Variants in ANKRD62 observed in about 807,000 individuals in gnomAD.
ANKRD62 encodes the protein ankyrin repeat domain 62.
ANKRD62 carries 61 observed loss-of-function variants against 98.8 expected under a neutral mutation model. That is an observed-to-expected ratio of 0.62 (90% CI 0.50 to 0.76). The LOEUF (loss-of-function observed/expected upper bound fraction) is 0.76, where lower values mean the gene tolerates loss of function less well. ANKRD62 is among the 30% of genes least tolerant of loss of function. ANKRD62 has a pLI of 0.00. For missense variants in ANKRD62, 933 were observed against 1,082.9 expected, an observed-to-expected ratio of 0.86 and a Z score of 1.94; for synonymous variants, 341 against 367.9, an observed-to-expected ratio of 0.93 and a Z score of 0.84.
At position 12,094,141 on chromosome 18, in the gene ANKRD62, A is replaced by G; in HGVS notation, c.124A>G (p.Ile42Val). The part of the protein sequence containing the change: ...YRVRQKDLGM[I>V]HKAAIAGDVN... ...AGTCCGGCAGAAGGATCTGGGCATG[A>G]TCCACAAAGCTGCCATCGCAGGTGA... Residue 42 changes from isoleucine (I) to valine (V), a missense_variant, in exon 1 of 14, where the codon ATC becomes GTC. Coordinates refer to ENST00000587848, the MANE Select transcript of ANKRD62 (RefSeq NM_001277333.2). The G allele has an allele frequency of 6.5e-7, 1 of 1,533,408 alleles. No individual in the cohort carries two copies. The highest frequency in any genetic ancestry group is 8.7e-7 in the Non-Finnish European group (1 of 1,146,442). 95.0% of individuals were successfully genotyped at this position (1,533,408 alleles called of 1,614,324 possible).
At chr18:12,131,648 C>G (rs1910006685), downstream of ANKRD62, among the ~76,000 whole-genome samples, 1 of 151,970 alleles carries the variant, frequency 6.6e-6, no homozygotes, top group Non-Finnish European at 1.5e-5. Context: ...CCAAGAGATG[C>G]TAGACTCATG....
intron 10 of ANKRD62, among the ~76,000 whole-genome samples, chr18:12,116,123 A>T (rs761342809): frequency 4.6e-5 from 7 of 152,204 alleles, no homozygotes; most frequent in Non-Finnish European, 8.8e-5. Context: ...AAGTGCACAT[A>T]TGTAAAGTGT....
At chr18:12,154,153 C>T in the ANKRD62 span, among the ~76,000 whole-genome samples, 2 of 152,034 alleles carry the variant, frequency 1.3e-5, no homozygotes, top group Non-Finnish European at 2.9e-5. Context: ...AAACTATCAA[C>T]AGAACAAACA....
intron 5 of ANKRD62, 87 bp downstream of exon 5, chr18:12,097,864 A>G: frequency 2.7e-6 from 4 of 1,460,838 alleles, no homozygotes; most frequent in Non-Finnish European, 2.7e-6. Flanking sequence ...GAGATTTCAT[A>G]GTTTGGTTCA....
At chr18:12,175,013 C>G in the ANKRD62 span, among the ~76,000 whole-genome samples, 1 of 152,256 alleles carries the variant, frequency 6.6e-6, no homozygotes, top group Non-Finnish European at 1.5e-5. Context: ...GGGGTGCACA[C>G]TCATCAACTG....
At position 12,127,954 on chromosome 18, in the gene ANKRD62, T is replaced by A; in HGVS notation, c.*15T>A. On this transcript the variant is annotated 3_prime_UTR_variant, in exon 14 of 14. Coordinates refer to ENST00000587848, the MANE Select transcript of ANKRD62 (RefSeq NM_001277333.2). ...TTACTCTGTAGCTGGTTAAATAATA[T>A]CAAGTGTTTCAGGACACTAGTTTCA... The A allele has an allele frequency of 7.2e-7, 1 of 1,380,654 alleles. No homozygotes were observed. Among genetic ancestry groups the A allele is most frequent in the East Asian group, 2.7e-5 (1 of 36,568 alleles). The allele number at this position is 1,380,654 out of a possible 1,614,324, so 85.5% of individuals were successfully genotyped here.
the ANKRD62 span, among the ~76,000 whole-genome samples, chr18:12,146,070 G>A: frequency 8.6e-5 from 13 of 152,020 alleles, no homozygotes; most frequent in East Asian, 1.9e-3. Context: ...TCCAGCCTTC[G>A]GCCTTCAGAG....
At chr18:12,096,942 G>A (rs761080177) in intron 4 of ANKRD62, among the ~76,000 whole-genome samples, 150 of 152,180 alleles carry the variant, frequency 9.9e-4, no homozygotes, top group Admixed American at 3.7e-3. Context: ...TCAACTGGGT[G>A]AACTTTTAAT....
chr18:12,166,400 TC>T, the ANKRD62 span, among the ~76,000 whole-genome samples: 1 of 152,138 alleles, frequency 6.6e-6, no homozygotes, highest in Admixed American at 6.6e-5. Flanking sequence ...TTCTGCTTTA[TC>T]AGTTCTGCTA....
At chr18:12,108,817 TG>T (rs1416139180) in intron 8 of ANKRD62, among the ~76,000 whole-genome samples, 1 of 151,866 alleles carries the variant, frequency 6.6e-6, no homozygotes, top group Admixed American at 6.6e-5. Flanking sequence ...AAAGGTGCCA[TG>T]GGCCCCATGC....
the ANKRD62 span, among the ~76,000 whole-genome samples, chr18:12,135,006 C>T: frequency 1.6e-4 from 25 of 151,862 alleles, no homozygotes; most frequent in Admixed American, 1.4e-3. Context: ...AAAAGTGTTC[C>T]TATTTTTCCA....
At chr18:12,165,992 C>T in the ANKRD62 span, among the ~76,000 whole-genome samples, 1 of 152,062 alleles carries the variant, frequency 6.6e-6, no homozygotes, top group Non-Finnish European at 1.5e-5. Flanking sequence ...GAAAGCTTTC[C>T]ATCTGCTGTC....
the ANKRD62 span, among the ~76,000 whole-genome samples, chr18:12,155,728 C>G: frequency 6.6e-6 from 1 of 152,096 alleles, no homozygotes. Flanking sequence ...TATATTCTAC[C>G]TAATGTCTTT....
At chr18:12,171,750 AT>A in the ANKRD62 span, among the ~76,000 whole-genome samples, 1 of 151,158 alleles carries the variant, frequency 6.6e-6, no homozygotes, top group African/African-American at 2.5e-5. Context: ...ACTTGGTTCC[AT>A]TCTCCCTGTC....
At position 12,107,423 on chromosome 18, in the gene ANKRD62, T is replaced by C; in HGVS notation, c.1020T>C (p.Pro340=). ...TTCACAAAATAAAGAACAGAAAACCTGATAATCATCAATCTCCTGGGAAGG... is the reference window on the plus strand; with the variant it reads ...TTCACAAAATAAAGAACAGAAAACCCGATAATCATCAATCTCCTGGGAAGG... ...ELIHKIKNRK[P]DNHQSPGKEN... The change falls in exon 8 of 14, where the codon CCT becomes CCC. Residue 340 remains proline, a synonymous_variant. Transcript: ENST00000587848. 3 of 1,514,490 alleles carry C rather than the reference T, an allele frequency of 2.0e-6. No homozygotes were observed. The highest frequency in any genetic ancestry group is 2.6e-6 in the Non-Finnish European group (3 of 1,136,556). The allele number at this position is 1,514,490 out of a possible 1,614,324, so 93.8% of individuals were successfully genotyped here. A position where few individuals can be genotyped will look rare whatever the true frequency, so the allele number is the denominator to read the frequency against.
At chr18:12,173,986 A>G in the ANKRD62 span, among the ~76,000 whole-genome samples, 93,288 of 151,912 alleles carry the variant, frequency 0.61, 29,081 homozygotes, top group Middle Eastern at 0.75. Context: ...TGGTCTTCCT[A>G]TGGGGTATCT....
At chr18:12,171,707 T>C in the ANKRD62 span, among the ~76,000 whole-genome samples, 1 of 152,184 alleles carries the variant, frequency 6.6e-6, no homozygotes, top group African/African-American at 2.4e-5. Flanking sequence ...TTGGGGAAGT[T>C]CTCCTGGGTA....
At chr18:12,169,003 A>C in the ANKRD62 span, among the ~76,000 whole-genome samples, 2 of 152,176 alleles carry the variant, frequency 1.3e-5, no homozygotes, top group African/African-American at 4.8e-5. Context: ...GACTTTGCTG[A>C]AGTTGCTTAT....
rs1385188615 is a variant in ANKRD62, at chr18:12,125,522, A to G, written c.1701A>G (p.Glu567=). 6.6e-7 allele frequency: 1 copy of G among 1,505,684 alleles called. No individual in the cohort carries two copies. The highest frequency in any genetic ancestry group is 8.8e-7 in the Non-Finnish European group (1 of 1,137,344). 93.3% of individuals were successfully genotyped at this position (1,505,684 alleles called of 1,614,324 possible). ...AGGAAAATCACTTGATGCGGGATGA[A>G]ATTGCCAGACTCAGGCTGGAAATAG... is the stretch of plus-strand genomic sequence containing the variant. ...LWQENHLMRD[E]IARLRLEIDT... The change falls in exon 13 of 14, where the codon GAA becomes GAG. Residue 567 remains glutamate (E), a synonymous_variant. Coordinates refer to ENST00000587848, the MANE Select transcript of ANKRD62 (RefSeq NM_001277333.2).
Sources: gnomAD v4.1 joint callset for allele counts (sites outside exome capture counted in the v4.1 genomes callset) on GRCh38, gnomAD v4.1.1 for gene constraint, MANE v1.5 for transcripts, NCBI Gene and HGNC (gene_info 2026-07-23, HGNC 2026-07-21) for gene names.